The following SLCO2A1 variants were observed in gnomAD, a reference collection of about 807,000 sequenced individuals.
The protein encoded by SLCO2A1 is solute carrier organic anion transporter family member 2A1, also known as matrin F/G 1.
SLCO2A1 carries 60 observed loss-of-function variants against 71.7 expected under a neutral mutation model. That is an observed-to-expected ratio of 0.84 (90% confidence interval 0.68 to 1.04). The LOEUF is 1.04. Among genes scored for constraint, SLCO2A1 ranks in the 50% least tolerant of loss-of-function variants. The pLI, the probability that SLCO2A1 is intolerant of heterozygous loss-of-function variation, is 0.00. For synonymous variants in SLCO2A1, 308 were observed against 326.7 expected, an observed-to-expected ratio of 0.94 and a Z score of 0.62; for missense variants, 745 against 813.4, an observed-to-expected ratio of 0.92 and a Z score of 1.02.
chr3:133,971,728 T>C (rs1252700757), intron 3 of SLCO2A1, among the ~76,000 whole-genome samples: 1 of 152,174 alleles, frequency 6.6e-6, no homozygotes, highest in Non-Finnish European at 1.5e-5. Context: ...TCCAATACAG[T>C]GGACTAAGGG....
intron 1 of SLCO2A1, among the ~76,000 whole-genome samples, chr3:133,987,471 C>T (rs936324990): frequency 6.6e-6 from 1 of 151,980 alleles, no homozygotes; most frequent in Non-Finnish European, 1.5e-5. Flanking sequence ...CAATGTCAAT[C>T]AGAAAATTTT....
At chr3:134,009,486 C>G (rs1466253976) in intron 1 of SLCO2A1, among the ~76,000 whole-genome samples, 1 of 152,250 alleles carries the variant, frequency 6.6e-6, no homozygotes, top group Non-Finnish European at 1.5e-5. Context: ...CACCTCCTCA[C>G]TGTAAGTTTC....
At chr3:134,003,442 G>A (rs1431219345) in intron 1 of SLCO2A1, among the ~76,000 whole-genome samples, 2 of 152,196 alleles carry the variant, frequency 1.3e-5, no homozygotes, top group African/African-American at 2.4e-5. Flanking sequence ...CAGAATTTGT[G>A]TATAGGAGAG....
At chr3:134,010,393 GGA>G (rs370227587) in intron 1 of SLCO2A1, among the ~76,000 whole-genome samples, 6 of 151,868 alleles carry the variant, frequency 4.0e-5, no homozygotes, top group East Asian at 3.9e-4. Context: ...TAAGGCAGCA[GGA>G]GAGAGAGAGA....
At position 133,953,761 on chromosome 3, in the gene SLCO2A1, G is replaced by A; in HGVS notation, c.626C>T (p.Ser209Phe). 3 of 1,613,484 alleles carry A rather than the reference G, an allele frequency of 1.9e-6. No individual in the cohort carries two copies. The highest frequency in any genetic ancestry group is 2.5e-6 in the Non-Finnish European group (3 of 1,179,436). Reference protein sequence around the residue: ...SEPSNSPLYISILFAISVFGP... With the variant: ...SEPSNSPLYIFILFAISVFGP... ...AAATACAGAGATGGCAAATAAGATG[G>A]CTGGAAAAGGAAGTAAGGGGAAGGA... The change falls in exon 5 of 14, where the codon TCC becomes TTC. Residue 209 changes from serine to phenylalanine, a missense_variant and splice_region_variant. Ser to Phe is a radical substitution (Grantham distance 155). Coordinates refer to ENST00000310926, the MANE Select transcript of SLCO2A1 (RefSeq NM_005630.3).
chr3:133,965,160 C>G (rs1934134840), intron 3 of SLCO2A1, among the ~76,000 whole-genome samples: 2 of 152,202 alleles, frequency 1.3e-5, no homozygotes, highest in Non-Finnish European at 2.9e-5. Flanking sequence ...CCAACATGAG[C>G]TCATCAAAAG....
intron 7 of SLCO2A1, 59 bp downstream of exon 7, chr3:133,948,834 T>G: frequency 6.3e-7 from 1 of 1,595,398 alleles, no homozygotes; most frequent in African/African-American, 1.3e-5. Flanking sequence ...GGGGTCCCCC[T>G]GGCCACTATC....
intron 3 of SLCO2A1, among the ~76,000 whole-genome samples, chr3:133,971,231 G>C (rs1292346793): frequency 6.6e-6 from 1 of 152,262 alleles, no homozygotes; most frequent in Non-Finnish European, 1.5e-5. Context: ...AAAGAAGACA[G>C]TGCAGCCAGG....
intron 6 of SLCO2A1, 56 bp from the exon 7 acceptor site, chr3:133,949,027 TC>T: frequency 6.8e-7 from 1 of 1,461,548 alleles, no homozygotes; most frequent in South Asian, 1.1e-5. Context: ...TAGCCACCCT[TC>T]CCTGAGCCCT....
chr3:133,953,461 T>C (rs1425564965), intron 5 of SLCO2A1, among the ~76,000 whole-genome samples: 1 of 152,242 alleles, frequency 6.6e-6, no homozygotes, highest in Non-Finnish European at 1.5e-5. Flanking sequence ...TTCCTCACAG[T>C]GGCCAGCGTG....
rs1391578323 is a variant in SLCO2A1, at chr3:133,955,204, A to T, written c.398-11T>A. 1 of 1,607,550 alleles carries T rather than the reference A, an allele frequency of 6.2e-7. No individual in the cohort carries two copies. Among genetic ancestry groups the T allele is most frequent in the Admixed American group, 1.7e-5 (1 of 59,556 alleles). On this transcript the variant is annotated splice_polypyrimidine_tract_variant and intron_variant, in intron 3 of 13. Transcript: ENST00000310926. ...AGCGGCTGTTGTTCCCTGCAACGAG[A>T]GTGCTTGCTGGTCTCCACCACCCTG... is the stretch of plus-strand genomic sequence containing the variant.
chr3:134,014,505 G>A (rs368748300), intron 1 of SLCO2A1, among the ~76,000 whole-genome samples: 1 of 152,150 alleles, frequency 6.6e-6, no homozygotes, highest in African/African-American at 2.4e-5. Context: ...GGGAATTAAG[G>A]TCCTCTCAAC....
intron 2 of SLCO2A1, among the ~76,000 whole-genome samples, chr3:133,978,370 T>C (rs1934509083): frequency 6.6e-6 from 1 of 152,120 alleles, no homozygotes; most frequent in Admixed American, 6.5e-5. Flanking sequence ...GTTCCTTGTC[T>C]GAGAAACACG....
At position 134,029,755 on chromosome 3, in the gene SLCO2A1, AG is replaced by A; in HGVS notation, c.47del (p.Ser16LeufsTer61). ...KLGASQGSDTSTSRAGRCARS... is the reference protein window; with the variant it reads ...KLGASQGSDTXTSRAGRCARS... The stretch of plus-strand genomic sequence containing the variant: ...GGGCACAGCGGCCGGCTCGGCTAGT[AG>A]AGGTGTCGCTGCCCTGGGACGCGCC... On this transcript the variant is annotated frameshift_variant, in exon 1 of 14. Transcript: ENST00000310926. LOFTEE classifies it high-confidence loss of function. 6.3e-7 allele frequency: 1 copy of A among 1,583,946 alleles called. No homozygotes were observed.
chr3:134,025,830 C>T (rs987757723), intron 1 of SLCO2A1, among the ~76,000 whole-genome samples: 1 of 152,242 alleles, frequency 6.6e-6, no homozygotes, highest in African/African-American at 2.4e-5. Flanking sequence ...ACTGGATCCT[C>T]GAGTAAATAT....
At chr3:134,012,301 A>T (rs1935361067) in intron 1 of SLCO2A1, among the ~76,000 whole-genome samples, 1 of 152,154 alleles carries the variant, frequency 6.6e-6, no homozygotes, top group Admixed American at 6.5e-5. Flanking sequence ...CCAGGAAGTA[A>T]TGGGTTCTGC....
intron 1 of SLCO2A1, among the ~76,000 whole-genome samples, chr3:134,001,260 G>A (rs761096404): frequency 4.6e-5 from 7 of 152,040 alleles, no homozygotes; most frequent in Non-Finnish European, 8.8e-5. Flanking sequence ...ACAGACCCAC[G>A]CCACCGTGCC....
chr3:133,983,427 G>A (rs952256458), intron 1 of SLCO2A1, among the ~76,000 whole-genome samples: 1 of 152,226 alleles, frequency 6.6e-6, no homozygotes, highest in African/African-American at 2.4e-5. Context: ...GCCCTGTGCA[G>A]ATTGAAGATT....
At chr3:133,967,863 GCACCC>G (rs1171722462) in intron 3 of SLCO2A1, among the ~76,000 whole-genome samples, 7 of 39,514 alleles carry the variant, frequency 1.8e-4, no homozygotes, top group Non-Finnish European at 4.9e-5. Flanking sequence ...CCCCTCACAG[GCACCC>G]CACCCCACCT....
Sources: gnomAD v4.1 joint callset for allele counts (sites outside exome capture counted in the v4.1 genomes callset) on GRCh38, gnomAD v4.1.1 for gene constraint, MANE v1.5 for transcripts, NCBI Gene and HGNC (gene_info 2026-07-23, HGNC 2026-07-21) for gene names.